Variants in PCDHGA2 observed in about 807,000 individuals in gnomAD.
PCDHGA2 encodes the protein protocadherin gamma subfamily A, 2.
PCDHGA2 carries 40 observed loss-of-function variants against 59.2 expected under a neutral mutation model. The observed-to-expected ratio is 0.68, with a 90% CI of 0.52 to 0.88. PCDHGA2 has a LOEUF of 0.88. PCDHGA2 is among the 40% of genes least tolerant of loss of function. The pLI, the probability that PCDHGA2 is intolerant of heterozygous loss-of-function variation, is 0.00. For synonymous variants in PCDHGA2, 560 were observed against 526.0 expected (o/e 1.06, Z -0.89); for missense variants, 1,226 against 1,204.0 (o/e 1.02, Z -0.27).
chr5:141,357,248 A>G (rs750346912), intron 1 of PCDHGA2: 1 of 1,613,188 alleles, frequency 6.2e-7, no homozygotes, highest in South Asian at 1.1e-5. Context: ...CCTTCAGCAG[A>G]CCCAGACGAC....
chr5:141,412,918 G>A (rs893690519), intron 1 of PCDHGA2: 17 of 414,102 alleles, frequency 4.1e-5, no homozygotes, highest in Non-Finnish European at 5.5e-5. Context: ...TATCACTTGG[G>A]TGCAGTAACT....
intron 1 of PCDHGA2, chr5:141,428,285 C>CA (rs2097130658): frequency 2.7e-6 from 2 of 734,934 alleles, no homozygotes; most frequent in Non-Finnish European, 4.7e-6. Context: ...GATTCCCAAG[C>CA]AAAGCTGCAG....
intron 1 of PCDHGA2, chr5:141,375,952 G>T (rs1032808913): frequency 1.2e-6 from 2 of 1,613,514 alleles, no homozygotes; most frequent in Non-Finnish European, 1.7e-6. Flanking sequence ...GCCTGCACAC[G>T]GGCGAGGTGC....
intron 1 of PCDHGA2, chr5:141,371,186 G>A (rs779475479): frequency 1.9e-6 from 3 of 1,614,028 alleles, no homozygotes; most frequent in Non-Finnish European, 8.5e-7. Flanking sequence ...TATTAAAAGT[G>A]ATGGCCATTG....
chr5:141,405,351 C>T (rs2094645564), intron 1 of PCDHGA2: 1 of 1,613,962 alleles, frequency 6.2e-7, no homozygotes, highest in Non-Finnish European at 8.5e-7. Context: ...TCCAAGTTTC[C>T]TATAGAAGAC....
chr5:141,452,749 G>A (rs1453824335), intron 1 of PCDHGA2, among the ~76,000 whole-genome samples: 1 of 152,052 alleles, frequency 6.6e-6, no homozygotes, highest in African/African-American at 2.4e-5. Flanking sequence ...AGAGAAGGAA[G>A]AAGGAAGGGA....
At chr5:141,357,108 C>T (rs1760471015) in intron 1 of PCDHGA2, 15 of 1,613,824 alleles carry the variant, frequency 9.3e-6, no homozygotes, top group Non-Finnish European at 1.3e-5. Flanking sequence ...TGGACAGAGA[C>T]GCGCTCAAGC....
At chr5:141,505,347 T>C in intron 2 of PCDHGA2, 46 bp from the exon 3 acceptor site, 4 of 1,613,346 alleles carry the variant, frequency 2.5e-6, no homozygotes, top group Non-Finnish European at 2.5e-6. Context: ...GGGCATGAGC[T>C]GTGCCGGCCT....
At chr5:141,506,969 A>G (rs923725359) in intron 3 of PCDHGA2, 7 of 152,208 alleles carry the variant, frequency 4.6e-5, no homozygotes, top group Non-Finnish European at 8.8e-5. Flanking sequence ...ATAGCTCTGC[A>G]AGGCAGGTCT....
rs776990176 is a variant in PCDHGA2 at position 141,485,136 on chromosome 5, C to A, written c.2425-9671C>A. ...GTTTGGGGCGGGTCGGCTTCATCCG[C>A]GTCTCAGGAGCAAGTAGAGAATTAG... On this transcript the variant is annotated intron_variant, in intron 1 of 3. Transcript: ENST00000394576. The surrounding 1 kb of genome is among the most constrained non-coding windows in gnomAD (Gnocchi z 5.7). The A allele has an allele frequency of 4.0e-6, 6 of 1,502,706 alleles. No individual in the cohort carries two copies. The South Asian group carries it at 5.9e-5, about 15-fold the overall frequency. The allele number at this position is 1,502,706 out of a possible 1,614,324, so 93.1% of individuals were successfully genotyped here.
rs1195194477 is a variant in PCDHGA2, at chr5:141,432,620, C to G, written c.2425-62187C>G. On this transcript the variant is annotated intron_variant, in intron 1 of 3. Transcript: ENST00000394576. The surrounding 1 kb of genome is among the most constrained non-coding windows in gnomAD (Gnocchi z 6.0). ...CGAGCCGGGACTCTTCTCGGTGGGTCTGCACACGGGCGAGGTGCGCACGGC... is the reference window on the plus strand; with the variant it reads ...CGAGCCGGGACTCTTCTCGGTGGGTGTGCACACGGGCGAGGTGCGCACGGC... 6 of 1,613,190 alleles carry G rather than the reference C, an allele frequency of 3.7e-6. No individual in the cohort carries two copies. Among genetic ancestry groups the G allele is most frequent in the Admixed American group, 1.7e-5 (1 of 59,978 alleles).
At chr5:141,376,697 T>TTTTTTTTTA (rs60911796) in intron 1 of PCDHGA2, 1 of 652,042 alleles carries the variant, frequency 1.5e-6, no homozygotes, top group African/African-American at 2.1e-5. Context: ...TTTTTTTTTT[T>TTTTTTTTTA]GAGACGGAGT....
chr5:141,388,809 G>A lies in PCDHGA2; in HGVS notation c.2424+47414G>A, dbSNP rs771582173. The A allele has an allele frequency of 1.2e-6, 2 of 1,613,930 alleles. No individual in the cohort carries two copies. Among genetic ancestry groups the A allele is most frequent in the Non-Finnish European group, 1.7e-6 (2 of 1,179,838 alleles). ...TGTTTTAAATACATTAGATTTTGAA[G>A]AAGTCAAAGAATATTCCATAGTTTT... is the stretch of plus-strand genomic sequence containing the variant. On this transcript the variant is annotated intron_variant, in intron 1 of 3. Transcript: ENST00000394576.
intron 1 of PCDHGA2, chr5:141,388,782 A>G (rs1589071559): frequency 6.2e-7 from 1 of 1,613,902 alleles, no homozygotes; most frequent in African/African-American, 1.3e-5. Flanking sequence ...CGGGGAAATT[A>G]CTGTTTTAAA....
intron 1 of PCDHGA2, chr5:141,356,564 C>T (rs746002239): frequency 2.5e-6 from 4 of 1,614,146 alleles, no homozygotes; most frequent in Non-Finnish European, 3.4e-6. Context: ...TTCCCTCATG[C>T]TTCCTACTCT....
rs768635851 is a variant in PCDHGA2 at position 141,489,334 on chromosome 5, C to G, written c.2425-5473C>G. 2 of 1,606,614 alleles carry G rather than the reference C, an allele frequency of 1.2e-6. No individual in the cohort carries two copies. Among genetic ancestry groups the G allele is most frequent in the Non-Finnish European group, 1.7e-6 (2 of 1,175,584 alleles). On this transcript the variant is annotated intron_variant, in intron 1 of 3. Coordinates refer to ENST00000394576, the MANE Select transcript of PCDHGA2 (RefSeq NM_018915.4). The surrounding 1 kb of genome is among the most constrained non-coding windows in gnomAD (Gnocchi z 4.5). Reference sequence around the variant, plus strand: ...CTGGGGCTGGGTGTCTGGGCAGCTTCGTTACTCAGTGGTGGAGGAGTCTGA... The same window carrying G: ...CTGGGGCTGGGTGTCTGGGCAGCTTGGTTACTCAGTGGTGGAGGAGTCTGA...
At position 141,361,737 on chromosome 5, in the gene PCDHGA2, C is replaced by T. The variant is rs10062250; in HGVS notation, c.2424+20342C>T. On this transcript the variant is annotated intron_variant, in intron 1 of 3. Coordinates refer to ENST00000394576, the MANE Select transcript of PCDHGA2 (RefSeq NM_018915.4). Reference sequence around the variant, plus strand: ...GCGCCTTCGAGCTCACACTGCAGGCCCGCGACCAGGGCTCGCCCGCGCTCA... The same window carrying T: ...GCGCCTTCGAGCTCACACTGCAGGCTCGCGACCAGGGCTCGCCCGCGCTCA... 1,285 of 1,613,162 alleles carry T rather than the reference C, an allele frequency of 8.0e-4. 14 individuals are homozygous for T. In the African/African-American group the frequency reaches 0.015, roughly 19 times the overall value.
chr5:141,497,739 A>G (rs1180122239), intron 2 of PCDHGA2, among the ~76,000 whole-genome samples: 1 of 152,118 alleles, frequency 6.6e-6, no homozygotes, highest in Admixed American at 6.6e-5. Flanking sequence ...GGGTTTCGCC[A>G]CGTTGGCCAG....
intron 1 of PCDHGA2, chr5:141,371,148 G>A: frequency 6.2e-7 from 1 of 1,614,010 alleles, no homozygotes; most frequent in Non-Finnish European, 8.5e-7. Flanking sequence ...GGTCAATGTT[G>A]CAGAGAACCT....
Sources: gnomAD v4.1 joint callset for allele counts (sites outside exome capture counted in the v4.1 genomes callset) on GRCh38, gnomAD v4.1.1 for gene constraint, Gnocchi (gnomAD v3.1) non-coding constraint, MANE v1.5 for transcripts, NCBI Gene and HGNC (gene_info 2026-07-23, HGNC 2026-07-21) for gene names.